The following STAT3 variants were observed in gnomAD, a reference collection of about 807,000 sequenced individuals.
STAT3 encodes signal transducer and activator of transcription 3, also known as DNA-binding protein APRF.
Under a neutral mutation model 114.3 loss-of-function variants are expected in STAT3, and 7 were observed. The observed-to-expected ratio is 0.06, with a 90% CI of 0.03 to 0.11. The LOEUF is 0.11. Ranked by LOEUF, STAT3 falls within the 10% of genes least tolerant of loss-of-function variation. The pLI is 1.00. For missense variants in STAT3, 364 were observed against 960.9 expected, an observed-to-expected ratio of 0.38 and a Z score of 8.21; for synonymous variants, 331 against 354.5, an observed-to-expected ratio of 0.93 and a Z score of 0.74.
chr17:42,374,851 C>T (rs2084366606), intron 1 of STAT3, among the ~76,000 whole-genome samples: 1 of 152,170 alleles, frequency 6.6e-6, no homozygotes, highest in African/African-American at 2.4e-5. Flanking sequence ...CTCATCTCTG[C>T]TATCTGATCT....
At chr17:42,363,013 T>G (rs543163321) in intron 1 of STAT3, among the ~76,000 whole-genome samples, 5 of 152,320 alleles carry the variant, frequency 3.3e-5, no homozygotes, top group South Asian at 2.1e-4. Context: ...GAAAGCCCCA[T>G]GAAGACAAGA....
chr17:42,381,417 T>C (rs975834702), intron 1 of STAT3, among the ~76,000 whole-genome samples: 2 of 152,108 alleles, frequency 1.3e-5, no homozygotes, highest in Admixed American at 1.3e-4. Context: ...ATTATTCTTT[T>C]GCTAGGCTGT....
Position 42,319,664 on chromosome 17 carries a change from A to G in STAT3, c.2102-2440T>C, listed in dbSNP as rs538911179. Among the ~76,000 whole-genome samples, 15 of 152,178 alleles carry G rather than the reference A, an allele frequency of 9.9e-5. No individual in the cohort carries two copies. In the South Asian group the frequency reaches 2.7e-3, roughly 27 times the overall value. On this transcript the variant is annotated intron_variant, in intron 21 of 23. Transcript: ENST00000264657. ...GCTCCGAACCTCTCCCTCAAGCCATAAGGAAATGCTATGTGGGCTTCCAGT... is the reference window on the plus strand; with the variant it reads ...GCTCCGAACCTCTCCCTCAAGCCATGAGGAAATGCTATGTGGGCTTCCAGT...
At chr17:42,371,803 G>A (rs2084161286) in intron 1 of STAT3, among the ~76,000 whole-genome samples, 1 of 151,718 alleles carries the variant, frequency 6.6e-6, no homozygotes, top group Admixed American at 6.6e-5. Context: ...GTAACACAGT[G>A]AAACCCCATC....
chr17:42,327,276 T>C (rs111954942), intron 14 of STAT3, among the ~76,000 whole-genome samples: 3 of 152,238 alleles, frequency 2.0e-5, no homozygotes, highest in East Asian at 1.9e-4. Flanking sequence ...TTTGTCTTGT[T>C]TTGTTTTGTT....
chr17:42,333,562 C>A lies in STAT3; in HGVS notation c.1049+111G>T. On this transcript the variant is annotated intron_variant, in intron 10 of 23. Coordinates refer to ENST00000264657, the MANE Select transcript of STAT3 (RefSeq NM_139276.3). This position sits in a 1 kb window ranked among gnomAD's most constrained non-coding sequence, Gnocchi z 5.2. ...CAAATTTCAACCCCGCAACAGTGTA[C>A]TGCCTGTGACACCACACCTGGAAAG... 1.6e-6 allele frequency: 2 copies of A among 1,217,538 alleles called. No individual in the cohort carries two copies. Among genetic ancestry groups the A allele is most frequent in the Non-Finnish European group, 2.4e-6 (2 of 838,816 alleles). 75.4% of individuals were successfully genotyped at this position (1,217,538 alleles called of 1,614,324 possible).
chr17:42,316,473 C>A (rs556314902), intron 23 of STAT3: 67 of 497,808 alleles, frequency 1.3e-4, no homozygotes, highest in African/African-American at 7.9e-4. Context: ...CCCACCTCGG[C>A]CTCCCAAAGT....
In STAT3 at chr17:42,354,806, CAAAA is replaced by C. The variant is rs59204136; in HGVS notation, c.-23-6271_-23-6268del. 2.9e-5 allele frequency among the ~76,000 whole-genome samples: 3 copies of C among 104,440 alleles called. No homozygotes were observed. In the Admixed American group the frequency reaches 2.9e-4, roughly 10 times the overall value. The allele number at this position is 104,440 out of a possible 152,430, so 68.5% of individuals were successfully genotyped here. Reference sequence around the variant, plus strand: ...TGGGCAACAGAGTGAGACTCTGTCTCAAAAAAAAAAAAAAGAAGGCACCAGGGCA... The same window carrying C: ...TGGGCAACAGAGTGAGACTCTGTCTCAAAAAAAAAAGAAGGCACCAGGGCA... On this transcript the variant is annotated intron_variant, in intron 1 of 23. Transcript: ENST00000264657.
intron 1 of STAT3, among the ~76,000 whole-genome samples, chr17:42,360,210 T>A (rs981537924): frequency 2.6e-5 from 4 of 151,910 alleles, no homozygotes; most frequent in African/African-American, 7.3e-5. Flanking sequence ...TTCTTTTTTT[T>A]AAATTAGAGA....
intron 1 of STAT3, among the ~76,000 whole-genome samples, chr17:42,361,615 C>A (rs560694329): frequency 1.2e-4 from 19 of 152,228 alleles, no homozygotes; most frequent in African/African-American, 4.1e-4. Flanking sequence ...TCTGAATACG[C>A]CTCAGAATCT....
chr17:42,353,091 T>C (rs1370780894), intron 1 of STAT3, among the ~76,000 whole-genome samples: 1 of 152,210 alleles, frequency 6.6e-6, no homozygotes, highest in Non-Finnish European at 1.5e-5. Context: ...CTCATGCCTG[T>C]AATCCCAGCA....
At chr17:42,352,829 CCACATGT>C (rs1484115206) in intron 1 of STAT3, among the ~76,000 whole-genome samples, 1 of 152,106 alleles carries the variant, frequency 6.6e-6, no homozygotes. Flanking sequence ...GAGTCACTAG[CCACATGT>C]GGCTACTGAG....
At chr17:42,319,294 C>A (rs907316234) in intron 21 of STAT3, among the ~76,000 whole-genome samples, 2 of 152,026 alleles carry the variant, frequency 1.3e-5, no homozygotes, top group African/African-American at 4.8e-5. Context: ...ATAATCCCAG[C>A]ACTTTGGGAG....
chr17:42,388,093 C>T (rs1449445591), intron 1 of STAT3, 186 bp downstream of exon 1: 1 of 720,396 alleles, frequency 1.4e-6, no homozygotes, highest in East Asian at 3.4e-5. Flanking sequence ...CCCCGAGTCC[C>T]TTCCGAGGCC....
At chr17:42,317,559 C>G (rs1447135585) in intron 21 of STAT3, 1 of 425,464 alleles carries the variant, frequency 2.4e-6, no homozygotes. Flanking sequence ...ACAGCCTCCA[C>G]GTGGTCTGAG....
At chr17:42,376,464 T>C (rs1183778918) in intron 1 of STAT3, among the ~76,000 whole-genome samples, 3 of 143,468 alleles carry the variant, frequency 2.1e-5, no homozygotes, top group Non-Finnish European at 4.6e-5. Context: ...GGAGAATCAC[T>C]TGAACCCGGG....
chr17:42,361,243 G>A (rs1192220634), intron 1 of STAT3, among the ~76,000 whole-genome samples: 1 of 152,148 alleles, frequency 6.6e-6, no homozygotes, highest in African/African-American at 2.4e-5. Flanking sequence ...CACTCTGGGG[G>A]GCCTAGGTGG....
At chr17:42,349,234 G>A (rs2082831394) in intron 1 of STAT3, among the ~76,000 whole-genome samples, 1 of 152,174 alleles carries the variant, frequency 6.6e-6, no homozygotes, top group South Asian at 2.1e-4. Context: ...TCTACCAGAA[G>A]TGTGTGAAAT....
rs2144773579 is a variant in STAT3 at position 42,329,604 on chromosome 17, T to C, written c.1183A>G (p.Asn395Asp). The change falls in exon 13 of 24, where the codon AAC (asparagine) becomes GAC (aspartate). Residue 395 changes from asparagine (N) to aspartate (D), a missense_variant. Physicochemically the swap from Asn to Asp is conservative, Grantham distance 23. Around this residue, in one of 5 missense-constraint regions of STAT3, gnomAD observed 294 missense variants for 745.1 expected, o/e 0.39. Coordinates refer to ENST00000264657, the MANE Select transcript of STAT3 (RefSeq NM_139276.3). ...NILGTNTKVMNMEESNNGSLS... is the reference protein window; with the variant it reads ...NILGTNTKVMDMEESNNGSLS... ...CTGCCGTTGTTGGATTCTTCCATGT[T>C]CATCACTTTTGTGTTTGTGCCCAGA... The C allele has an allele frequency of 1.2e-6, 2 of 1,614,260 alleles. No homozygotes were observed. The highest frequency in any genetic ancestry group is 1.7e-6 in the Non-Finnish European group (2 of 1,180,046).
Sources: gnomAD v4.1 joint callset for allele counts (sites outside exome capture counted in the v4.1 genomes callset) on GRCh38, gnomAD v4.1.1 for gene constraint, gnomAD v4.1.1 regional missense constraint, Gnocchi (gnomAD v3.1) non-coding constraint, MANE v1.5 for transcripts, NCBI Gene and HGNC (gene_info 2026-07-23, HGNC 2026-07-21) for gene names.